The following GATA5 variants were observed in gnomAD, a reference collection of about 807,000 sequenced individuals.
GATA5 encodes the protein GATA binding protein 5, also known as transcription factor GATA-5.
In GATA5, 27 loss-of-function variants were observed where a neutral mutation model predicts 35.0. That is an observed-to-expected ratio of 0.77 (90% CI 0.57 to 1.06). The LOEUF (loss-of-function observed/expected upper bound fraction) is 1.06. GATA5 is among the 50% of genes least tolerant of loss of function. GATA5 has a pLI of 0.00. For synonymous variants in GATA5, 306 were observed against 267.8 expected (o/e 1.14, Z -1.39); for missense variants, 612 against 580.0 (o/e 1.06, Z -0.57).
chr20:62,473,701 G>A (rs1279909113), intron 2 of GATA5, 123 bp from the exon 3 acceptor site: 2 of 819,146 alleles, frequency 2.4e-6, no homozygotes, highest in Non-Finnish European at 3.8e-6. Flanking sequence ...TAAACTTAAG[G>A]CACAAATCTT....
Position 62,466,426 on chromosome 20 carries a change from C to T in GATA5, c.825G>A (p.Gly275=), listed in dbSNP as rs1989589716. 2.5e-6 allele frequency: 4 copies of T among 1,583,734 alleles called. No individual in the cohort carries two copies. The highest frequency in any genetic ancestry group is 3.4e-6 in the Non-Finnish European group (4 of 1,165,566). ...GCCCTGCCCCGGGGACCACACTCAC[C>T]CCGTGCAGCTTCATGTAGAGGCCGC... ...NACGLYMKLH[G]VPRPLAMKKE... is the part of the protein sequence containing the mutation. The change falls in exon 4 of 7, where the codon GGG becomes GGA. Residue 275 remains glycine (G), a splice_region_variant and synonymous_variant. Transcript: ENST00000252997.
intron 3 of GATA5, among the ~76,000 whole-genome samples, chr20:62,467,713 C>T (rs150715970): frequency 5.2e-4 from 79 of 152,358 alleles, no homozygotes; most frequent in African/African-American, 1.6e-3. Context: ...AGGCACAGGA[C>T]GCAGCCCATG....
Position 62,470,822 on chromosome 20 carries a change from C to T in GATA5, c.699+2581G>A, listed in dbSNP as rs1236973087. On this transcript the variant is annotated intron_variant, in intron 3 of 6. Transcript: ENST00000252997. This position sits in a 1 kb window ranked among gnomAD's most constrained non-coding sequence, Gnocchi z 4.6. ...AGAGCCAGACCATGGGGAGAGGGCA[C>T]GGTGGTCCCTACCCTCCGAGGCCTC... 1.3e-5 allele frequency among the ~76,000 whole-genome samples: 2 copies of T among 152,062 alleles called. No individual in the cohort carries two copies. Among genetic ancestry groups the T allele is most frequent in the Non-Finnish European group, 2.9e-5 (2 of 67,986 alleles).
rs1989824236 is a variant in GATA5, at chr20:62,475,198, CG to C, written c.323del (p.Ala108GlyfsTer39). On this transcript the variant is annotated frameshift_variant, in exon 2 of 7. Transcript: ENST00000252997. LOFTEE classifies it high-confidence loss of function. Reference sequence around the variant, plus strand: ...GGTAGGCACTGCCGTCTCGGCCCCCCGCGCTGCCGCCGCTGCCGGGCCCCGA... The same window carrying C: ...GGTAGGCACTGCCGTCTCGGCCCCCCCGCTGCCGCCGCTGCCGGGCCCCGA... ...SPSGPGSGGS[A>X]GGRDGSAYQG... 2 of 1,258,274 alleles carry C rather than the reference CG, an allele frequency of 1.6e-6. No homozygotes were observed. Among genetic ancestry groups the C allele is most frequent in the African/African-American group, 1.5e-5 (1 of 64,560 alleles). The allele number at this position is 1,258,274 out of a possible 1,614,324, so 77.9% of individuals were successfully genotyped here.
At chr20:62,466,617 A>G in intron 3 of GATA5, 66 bp from the exon 4 acceptor site, 1 of 1,511,582 alleles carries the variant, frequency 6.6e-7, no homozygotes, top group Non-Finnish European at 8.9e-7. Flanking sequence ...GGGGGACGGA[A>G]GCGAGACTCA....
At chr20:62,469,265 A>G (rs1235100446) in intron 3 of GATA5, among the ~76,000 whole-genome samples, 1 of 152,232 alleles carries the variant, frequency 6.6e-6, no homozygotes, top group East Asian at 1.9e-4. Flanking sequence ...AGTATTTGGG[A>G]CATGAATGCT....
chr20:62,466,273 C>CA (rs1240803383), intron 4 of GATA5, among the ~76,000 whole-genome samples, 153 bp downstream of exon 4: 1 of 152,246 alleles, frequency 6.6e-6, no homozygotes, highest in African/African-American at 2.4e-5. Context: ...GGTGGTGCCG[C>CA]AGTCGGCCGG....
rs1989827726 is a variant in GATA5, at chr20:62,475,276, G to T, written c.246C>A (p.Pro82=). ...SSAFGPGSPH[P]PAAHPPGATA... ...TGGCCCCGGGCGGGTGCGCGGCTGGGGGGTGCGGACTGCCCGGGCCGAAGG... is the reference window on the plus strand; with the variant it reads ...TGGCCCCGGGCGGGTGCGCGGCTGGTGGGTGCGGACTGCCCGGGCCGAAGG... The change falls in exon 2 of 7, where the codon CCC becomes CCA. Residue 82 remains proline (P), a synonymous_variant. Coordinates refer to ENST00000252997, the MANE Select transcript of GATA5 (RefSeq NM_080473.5). 8.0e-7 allele frequency: 1 copy of T among 1,246,484 alleles called. No homozygotes were observed. Among genetic ancestry groups the T allele is most frequent in the Non-Finnish European group, 1.0e-6 (1 of 995,474 alleles). The allele number at this position is 1,246,484 out of a possible 1,614,324, so 77.2% of individuals were successfully genotyped here. A position where few individuals can be genotyped will look rare whatever the true frequency, so the allele number is the denominator to read the frequency against.
At position 62,475,353 on chromosome 20, in the gene GATA5, C is replaced by A; in HGVS notation, c.169G>T (p.Glu57Ter). Residue 57 changes from glutamate (E) to a stop codon, truncating the protein, a stop_gained, in exon 2 of 7, where the codon GAG (glutamate) becomes TAG (stop). Transcript: ENST00000252997. LOFTEE classifies it high-confidence loss of function. ...SGCEPSPQPP[E>*]LAARPGWAQT... is the part of the protein sequence containing the mutation. ...GCCCAGCCGGGGCGCGCAGCGAGCT[C>A]GGGGGGCTGCGGGCTCGGCTCACAC... 1 of 1,258,634 alleles carries A rather than the reference C, an allele frequency of 7.9e-7. No individual in the cohort carries two copies. Among genetic ancestry groups the A allele is most frequent in the East Asian group, 3.1e-5 (1 of 31,772 alleles). 78.0% of individuals were successfully genotyped at this position (1,258,634 alleles called of 1,614,324 possible).
At chr20:62,465,301 C>A in intron 6 of GATA5, 39 bp downstream of exon 6, 1 of 1,560,416 alleles carries the variant, frequency 6.4e-7, no homozygotes, top group Non-Finnish European at 8.6e-7. Context: ...AGCACAGGGG[C>A]CCCAGCTCTG....
chr20:62,475,094 G>T lies in GATA5; in HGVS notation c.428C>A (p.Pro143Gln). The T allele has an allele frequency of 7.1e-7, 1 of 1,404,566 alleles. No homozygotes were observed. Among genetic ancestry groups the T allele is most frequent in the Non-Finnish European group, 9.3e-7 (1 of 1,075,826 alleles). 87.0% of individuals were successfully genotyped at this position (1,404,566 alleles called of 1,614,324 possible). Residue 143 changes from proline to glutamine, a missense_variant, in exon 2 of 7, where the codon CCG (proline) becomes CAG (glutamine). Pro to Gln is a moderately conservative substitution (Grantham distance 76). Transcript: ENST00000252997. ...GGCCACGTCGGGGCTCACGTAGGCC[G>T]GGTAGGTGGCGGAGTACGAGGTCCC... ...PVGTSYSATY[P>Q]AYVSPDVAQS...
At chr20:62,472,613 T>G (rs1555896676) in intron 3 of GATA5, among the ~76,000 whole-genome samples, 1 of 152,114 alleles carries the variant, frequency 6.6e-6, no homozygotes. Flanking sequence ...TTTAGATAAC[T>G]TGCAAACGAC....
At chr20:62,471,872 G>A (rs1989730941) in intron 3 of GATA5, among the ~76,000 whole-genome samples, 1 of 151,296 alleles carries the variant, frequency 6.6e-6, no homozygotes, top group Non-Finnish European at 1.5e-5. Context: ...GGGACCACAG[G>A]TGTGTGCTAC....
In GATA5 at chr20:62,473,395, G is replaced by C; in HGVS notation, c.699+8C>G. ...GCCCAGGCGCCCCTCTGCCCAGCCC[G>C]AACTCACCAGGCGCTTCTGAGGCCG... On this transcript the variant is annotated splice_region_variant and intron_variant, in intron 3 of 6. Coordinates refer to ENST00000252997, the MANE Select transcript of GATA5 (RefSeq NM_080473.5). 3 of 1,599,422 alleles carry C rather than the reference G, an allele frequency of 1.9e-6. No individual in the cohort carries two copies. In the East Asian group the frequency reaches 6.8e-5, roughly 36 times the overall value.
chr20:62,465,854 G>A lies in GATA5; in HGVS notation c.893C>T (p.Ala298Val). The A allele has an allele frequency of 1.3e-6, 2 of 1,593,390 alleles. No individual in the cohort carries two copies. The highest frequency in any genetic ancestry group is 1.7e-4 in the Middle Eastern group (1 of 6,036). ...CGCACCTGAGGAGCCCCTGGCCTTG[G>A]CGATGGTCTTTGGCTTCCGCTTCCG... is the stretch of plus-strand genomic sequence containing the variant. The part of the protein sequence containing the change: ...QTRKRKPKTI[A>V]KARGSSGSTR... The change falls in exon 5 of 7, where the codon GCC (alanine) becomes GTC (valine). Residue 298 changes from alanine to valine, a missense_variant. Transcript: ENST00000252997.
intron 4 of GATA5, 73 bp downstream of exon 4, chr20:62,466,353 C>T: frequency 6.8e-7 from 1 of 1,473,278 alleles, no homozygotes; most frequent in African/African-American, 1.4e-5. Context: ...GCCTCTTGGT[C>T]TGAGAGTGCG....
intron 3 of GATA5, among the ~76,000 whole-genome samples, chr20:62,471,691 A>G (rs1048337555): frequency 6.6e-5 from 10 of 150,968 alleles, no homozygotes; most frequent in African/African-American, 2.2e-4. Context: ...TTAGCCTCCC[A>G]AAGTGCTGGG....
At chr20:62,473,146 C>T (rs1989762147) in intron 3 of GATA5, among the ~76,000 whole-genome samples, 1 of 152,234 alleles carries the variant, frequency 6.6e-6, no homozygotes, top group Non-Finnish European at 1.5e-5. Context: ...GGCTCCTGGC[C>T]CCCAGAGCGC....
chr20:62,473,324 G>T lies in GATA5; in HGVS notation c.699+79C>A, dbSNP rs1989766236. 2.0e-6 allele frequency: 3 copies of T among 1,463,616 alleles called. No individual in the cohort carries two copies. The South Asian group carries it at 3.6e-5, about 18-fold the overall frequency. The allele number at this position is 1,463,616 out of a possible 1,614,324, so 90.7% of individuals were successfully genotyped here. A position where few individuals can be genotyped will look rare whatever the true frequency, so the allele number is the denominator to read the frequency against. On this transcript the variant is annotated intron_variant, in intron 3 of 6. Transcript: ENST00000252997. Reference sequence around the variant, plus strand: ...CCTACCCCCTACCCCAGGGGCTCTGGTGTCACCTGGGTGGATTGCAAGAGG... The same window carrying T: ...CCTACCCCCTACCCCAGGGGCTCTGTTGTCACCTGGGTGGATTGCAAGAGG...
Sources: allele counts gnomAD v4.1 joint callset (sites outside exome capture counted in the v4.1 genomes callset), GRCh38; gene constraint gnomAD v4.1.1; non-coding constraint Gnocchi (gnomAD v3.1); transcripts MANE v1.5; gene names NCBI Gene and HGNC (gene_info 2026-07-23, HGNC 2026-07-21).